Variants in GAB1 observed in about 807,000 individuals in gnomAD.
The protein encoded by GAB1 is GRB2-associated-binding protein 1.
A neutral mutation model predicts 66.5 loss-of-function variants in GAB1; 19 were observed. That is an observed-to-expected ratio of 0.29 (90% CI 0.20 to 0.42). The LOEUF is 0.42. Among genes scored for constraint, GAB1 ranks in the 10% least tolerant of loss-of-function variants. The pLI is 1.00. For synonymous variants in GAB1, 294 were observed against 301.4 expected, an observed-to-expected ratio of 0.98 and a Z score of 0.25; for missense variants, 732 against 858.5, an observed-to-expected ratio of 0.85 and a Z score of 1.84.
At position 143,471,036 on chromosome 4, in the gene GAB1, TG is replaced by T. The variant is rs1412316514; in HGVS notation, c.*1848del. The stretch of plus-strand genomic sequence containing the variant: ...CAAAATGAAATCTAAAATCCTGAAA[TG>T]TGCCTAAACTATCAAAACACACGAT... On this transcript the variant is annotated 3_prime_UTR_variant, in exon 10 of 10. Coordinates refer to ENST00000262994, the MANE Select transcript of GAB1 (RefSeq NM_002039.4). The T allele has an allele frequency of 5.9e-5, 9 of 152,212 alleles. No individual in the cohort carries two copies. Among genetic ancestry groups the T allele is most frequent in the African/African-American group, 2.2e-4 (9 of 41,448 alleles). 9.4% of individuals were successfully genotyped at this position (152,212 alleles called of 1,614,324 possible).
At chr4:143,389,341 G>A (rs1731072869) in intron 1 of GAB1, among the ~76,000 whole-genome samples, 1 of 152,164 alleles carries the variant, frequency 6.6e-6, no homozygotes, top group African/African-American at 2.4e-5. Flanking sequence ...TGAGATTGGT[G>A]GCAATGTTGG....
At chr4:143,373,130 C>G (rs1730215362) in intron 1 of GAB1, among the ~76,000 whole-genome samples, 1 of 152,076 alleles carries the variant, frequency 6.6e-6, no homozygotes, top group Non-Finnish European at 1.5e-5. Flanking sequence ...GCCAGGTCTC[C>G]AGCACTTCTG....
At chr4:143,407,322 G>A (rs1359090668) in intron 1 of GAB1, among the ~76,000 whole-genome samples, 1 of 151,084 alleles carries the variant, frequency 6.6e-6, no homozygotes, top group Non-Finnish European at 1.5e-5. Context: ...CTTTGAGGTA[G>A]GCATTAATTT....
chr4:143,395,250 G>A (rs1195501397), intron 1 of GAB1: 1 of 152,204 alleles, frequency 6.6e-6, no homozygotes. Flanking sequence ...TAAGTTTGCT[G>A]AGGTAGACAG....
At chr4:143,445,278 T>C (rs1421610358) in intron 6 of GAB1, among the ~76,000 whole-genome samples, 1 of 152,190 alleles carries the variant, frequency 6.6e-6, no homozygotes, top group Non-Finnish European at 1.5e-5. Flanking sequence ...TTTTTAGTAA[T>C]AGCTGTTTTG....
rs1044748035 is a variant in GAB1 at position 143,471,903 on chromosome 4, C to A, written c.*2714C>A. The A allele has an allele frequency of 6.6e-6, 1 of 152,094 alleles. No individual in the cohort carries two copies. Among genetic ancestry groups the A allele is most frequent in the Admixed American group, 6.6e-5 (1 of 15,264 alleles). 9.4% of individuals were successfully genotyped at this position (152,094 alleles called of 1,614,324 possible). A position where few individuals can be genotyped will look rare whatever the true frequency, so the allele number is the denominator to read the frequency against. On this transcript the variant is annotated 3_prime_UTR_variant, in exon 10 of 10. Coordinates refer to ENST00000262994, the MANE Select transcript of GAB1 (RefSeq NM_002039.4). Reference sequence around the variant, plus strand: ...ATAAAAACTAAATTTGAATCAAACCCTTTTAACTCACCTCCAAGAAGCTAG... The same window carrying A: ...ATAAAAACTAAATTTGAATCAAACCATTTTAACTCACCTCCAAGAAGCTAG...
At chr4:143,445,434 G>C (rs1306047771) in intron 6 of GAB1, among the ~76,000 whole-genome samples, 2 of 151,870 alleles carry the variant, frequency 1.3e-5, no homozygotes, top group African/African-American at 2.4e-5. Flanking sequence ...TTTTTTAATG[G>C]GGTTACTTGT....
At chr4:143,447,331 G>T (rs1734614768) in intron 6 of GAB1, among the ~76,000 whole-genome samples, 1 of 152,192 alleles carries the variant, frequency 6.6e-6, no homozygotes, top group Non-Finnish European at 1.5e-5. Context: ...ATTCTGTGAA[G>T]AAAGTCATTG....
chr4:143,456,801 T>G (rs369294794), intron 6 of GAB1, among the ~76,000 whole-genome samples: 2 of 152,250 alleles, frequency 1.3e-5, no homozygotes, highest in East Asian at 3.9e-4. Flanking sequence ...AAAAGAAAAT[T>G]TAGTGCCACT....
In GAB1 at chr4:143,456,516, G is replaced by T. The variant is rs575516027; in HGVS notation, c.1586-2869G>T. 2.4e-4 allele frequency among the ~76,000 whole-genome samples: 36 copies of T among 152,208 alleles called. No individual in the cohort carries two copies. In the South Asian group the frequency reaches 5.0e-3, roughly 21 times the overall value. On this transcript the variant is annotated intron_variant, in intron 6 of 9. Transcript: ENST00000262994. ...TTAGAAAAGGGTCCTGCGGGTATGG[G>T]CCCTGGATTAGGGAATTTTAGGGGT...
At chr4:143,343,453 A>G (rs979450788) in intron 1 of GAB1, 1 of 154,740 alleles carries the variant, frequency 6.5e-6, no homozygotes, top group Non-Finnish European at 1.5e-5. Flanking sequence ...GCCCCTGTGC[A>G]ATGCCTGGCT....
chr4:143,442,144 G>T (rs1163575414), intron 6 of GAB1, among the ~76,000 whole-genome samples: 1 of 152,088 alleles, frequency 6.6e-6, no homozygotes, highest in South Asian at 2.1e-4. Flanking sequence ...TTTATAATTG[G>T]TTCATACAGA....
chr4:143,370,135 A>G (rs892405572), intron 1 of GAB1, among the ~76,000 whole-genome samples: 2 of 152,344 alleles, frequency 1.3e-5, no homozygotes, highest in South Asian at 4.1e-4. Context: ...AAAAGACAGT[A>G]AAAATGTAGG....
intron 2 of GAB1, among the ~76,000 whole-genome samples, chr4:143,417,043 A>G (rs1444698307): frequency 6.6e-6 from 1 of 152,236 alleles, no homozygotes; most frequent in Non-Finnish European, 1.5e-5. Flanking sequence ...AGGTCCTACA[A>G]GGAACATGGA....
chr4:143,344,066 GT>G (rs1728910678), intron 1 of GAB1, among the ~76,000 whole-genome samples: 1 of 152,206 alleles, frequency 6.6e-6, no homozygotes, highest in Non-Finnish European at 1.5e-5. Context: ...CTTTATGTCT[GT>G]TTTAAGCTAA....
chr4:143,451,730 A>C (rs773415818), intron 6 of GAB1, among the ~76,000 whole-genome samples: 20 of 152,236 alleles, frequency 1.3e-4, no homozygotes, highest in Admixed American at 5.2e-4. Flanking sequence ...ACAGGATCAA[A>C]CAGGGAAGGC....
At chr4:143,432,529 A>C (rs1014684391) in intron 2 of GAB1, among the ~76,000 whole-genome samples, 2 of 152,202 alleles carry the variant, frequency 1.3e-5, no homozygotes, top group African/African-American at 4.8e-5. Flanking sequence ...TAACAGATTG[A>C]ATACAAGGCC....
intron 1 of GAB1, among the ~76,000 whole-genome samples, chr4:143,376,483 G>A (rs1730421202): frequency 6.6e-6 from 1 of 152,254 alleles, no homozygotes; most frequent in African/African-American, 2.4e-5. Flanking sequence ...TTCATATGAG[G>A]CTATTCTAAG....
intron 1 of GAB1, among the ~76,000 whole-genome samples, chr4:143,373,696 G>C (rs1730255229): frequency 6.6e-6 from 1 of 151,616 alleles, no homozygotes; most frequent in Admixed American, 6.6e-5. Context: ...GGCCATGGTG[G>C]CATGCGCCTG....
Sources: gnomAD v4.1 joint callset for allele counts (sites outside exome capture counted in the v4.1 genomes callset) on GRCh38, gnomAD v4.1.1 for gene constraint, MANE v1.5 for transcripts, NCBI Gene and HGNC (gene_info 2026-07-23, HGNC 2026-07-21) for gene names.